CDH13: variants seen among roughly 807,000 people sequenced by gnomAD.
The protein encoded by CDH13 is cadherin-13.
In CDH13, 24 loss-of-function variants were observed where a neutral mutation model predicts 63.8. That is an observed-to-expected ratio of 0.38 (90% CI 0.27 to 0.53). The LOEUF (loss-of-function observed/expected upper bound fraction) is 0.53. Ranked by LOEUF, CDH13 falls within the 20% of genes least tolerant of loss-of-function variation. The pLI is 0.85. For missense variants in CDH13, 1,049 were observed against 903.1 expected, an observed-to-expected ratio of 1.16 and a Z score of -2.07; for synonymous variants, 503 against 355.3, an observed-to-expected ratio of 1.42 and a Z score of -4.67.
chr16:83,337,345 C>T (rs1386985011), intron 5 of CDH13, among the ~76,000 whole-genome samples: 10 of 152,140 alleles, frequency 6.6e-5, no homozygotes, highest in Admixed American at 2.6e-4. Context: ...CTTAGCTTCC[C>T]TTCTGGCTCC....
intron 2 of CDH13, among the ~76,000 whole-genome samples, chr16:82,983,567 T>C (rs1436237487): frequency 1.3e-5 from 2 of 151,952 alleles, no homozygotes; most frequent in African/African-American, 2.4e-5. Context: ...AAGAAGAGAA[T>C]GTGGGAGGAA....
intron 9 of CDH13, among the ~76,000 whole-genome samples, chr16:83,677,218 C>A (rs1915031159): frequency 6.6e-6 from 1 of 152,190 alleles, no homozygotes; most frequent in Non-Finnish European, 1.5e-5. Flanking sequence ...GTGACAGACA[C>A]TCAATTGGCA....
intron 4 of CDH13, among the ~76,000 whole-genome samples, chr16:83,201,047 A>G (rs927146392): frequency 6.6e-6 from 1 of 151,880 alleles, no homozygotes; most frequent in Non-Finnish European, 1.5e-5. Flanking sequence ...CTTGGAACTC[A>G]AGCCCAAGAA....
chr16:83,786,465 A>C (rs1177593637), intron 13 of CDH13, among the ~76,000 whole-genome samples: 2 of 152,214 alleles, frequency 1.3e-5, no homozygotes, highest in Non-Finnish European at 2.9e-5. Context: ...GGGAATGGTA[A>C]TGAATGGACG....
intron 3 of CDH13, among the ~76,000 whole-genome samples, chr16:83,092,964 A>G (rs2033992034): frequency 6.6e-6 from 1 of 152,198 alleles, no homozygotes. Context: ...AACTTCCCCA[A>G]GTTAGTAAGG....
intron 7 of CDH13, among the ~76,000 whole-genome samples, chr16:83,559,270 T>C (rs1238098951): frequency 6.6e-6 from 1 of 152,166 alleles, no homozygotes; most frequent in Non-Finnish European, 1.5e-5. Flanking sequence ...TGGTCTTTAA[T>C]TTTTATTTGA....
intron 1 of CDH13, among the ~76,000 whole-genome samples, chr16:82,785,427 C>T (rs1414581537): frequency 1.3e-5 from 2 of 152,108 alleles, no homozygotes; most frequent in African/African-American, 2.4e-5. Flanking sequence ...TCAAATTCAC[C>T]CTCAATGTGC....
At chr16:82,856,737 C>T (rs286686) in intron 1 of CDH13, among the ~76,000 whole-genome samples, 124,291 of 137,168 alleles carry the variant, frequency 0.91, 56,716 homozygotes, top group Non-Finnish European at 0.97. Flanking sequence ...CTTTAAAAGT[C>T]AAAAAAAATA....
chr16:83,116,829 A>G (rs1457001846), intron 3 of CDH13, among the ~76,000 whole-genome samples: 1 of 152,220 alleles, frequency 6.6e-6, no homozygotes, highest in Non-Finnish European at 1.5e-5. Flanking sequence ...CTCCAGCCAG[A>G]GAAATTGACT....
intron 6 of CDH13, among the ~76,000 whole-genome samples, chr16:83,356,425 A>C (rs1032359174): frequency 5.3e-5 from 8 of 152,114 alleles, no homozygotes; most frequent in African/African-American, 1.9e-4. Context: ...CAACAACTCG[A>C]AGATTCATAA....
chr16:82,933,142 A>T (rs1297927661), intron 2 of CDH13, among the ~76,000 whole-genome samples: 1 of 152,092 alleles, frequency 6.6e-6, no homozygotes, highest in Non-Finnish European at 1.5e-5. Flanking sequence ...GTCCATTCTC[A>T]TGCAGCCATG....
intron 2 of CDH13, among the ~76,000 whole-genome samples, chr16:82,948,759 A>G (rs1383600458): frequency 6.6e-6 from 1 of 152,188 alleles, no homozygotes; most frequent in Non-Finnish European, 1.5e-5. Flanking sequence ...AACCTTTATT[A>G]CAAACACACC....
intron 8 of CDH13, among the ~76,000 whole-genome samples, chr16:83,647,240 G>A (rs1418413526): frequency 6.6e-6 from 1 of 151,418 alleles, no homozygotes; most frequent in East Asian, 1.9e-4. Flanking sequence ...AACCCGGGAG[G>A]CGGAGCTTGC....
chr16:83,072,178 C>T (rs1005708641), intron 3 of CDH13, among the ~76,000 whole-genome samples: 2 of 152,072 alleles, frequency 1.3e-5, no homozygotes, highest in Admixed American at 6.6e-5. Flanking sequence ...AAGCTAATCT[C>T]AATTTGGGTG....
chr16:83,512,321 AAAATAAAT>A (rs200161148), intron 7 of CDH13, among the ~76,000 whole-genome samples: 33,536 of 126,648 alleles, frequency 0.26, 5,255 homozygotes, highest in Admixed American at 0.34. Context: ...ACTCCGTCTC[AAAATAAAT>A]AAATAAATAA....
At chr16:83,522,254 C>G (rs1226333992) in intron 7 of CDH13, among the ~76,000 whole-genome samples, 1 of 152,178 alleles carries the variant, frequency 6.6e-6, no homozygotes, top group Non-Finnish European at 1.5e-5. Flanking sequence ...TGCTTCGGGT[C>G]CATTATAATG....
intron 11 of CDH13, among the ~76,000 whole-genome samples, chr16:83,771,461 G>A (rs746239283): frequency 1.6e-4 from 24 of 152,204 alleles, no homozygotes; most frequent in Non-Finnish European, 3.5e-4. Context: ...GAGTGGGAAC[G>A]ACAAAGCCAG....
At chr16:83,655,985 C>A (rs537666779) in intron 8 of CDH13, among the ~76,000 whole-genome samples, 25 of 152,218 alleles carry the variant, frequency 1.6e-4, no homozygotes, top group African/African-American at 5.8e-4. Context: ...TAGGCCTATT[C>A]AGCACATATT....
chr16:83,649,100 G>A (rs1567480546), intron 8 of CDH13, among the ~76,000 whole-genome samples: 2 of 152,166 alleles, frequency 1.3e-5, no homozygotes, highest in Non-Finnish European at 2.9e-5. Flanking sequence ...TTCTACTTAT[G>A]AAGTCCAGCC....
Sources: allele counts gnomAD v4.1 joint callset (sites outside exome capture counted in the v4.1 genomes callset), GRCh38; gene constraint gnomAD v4.1.1; transcripts MANE v1.5; gene names NCBI Gene and HGNC (gene_info 2026-07-23, HGNC 2026-07-21).